The following NR3C2 variants were observed in gnomAD, a reference collection of about 807,000 sequenced individuals.
The protein encoded by NR3C2 is nuclear receptor subfamily 3 group C member 2.
NR3C2 carries 15 observed loss-of-function variants against 86.4 expected under a neutral mutation model. The ratio of observed to expected loss-of-function variants is 0.17; its 90% CI spans 0.12 to 0.27. NR3C2 has a LOEUF of 0.27. Among genes scored for constraint, NR3C2 ranks in the 10% least tolerant of loss-of-function variants. The probability of loss-of-function intolerance (pLI) is 1.00; values close to 1 mark genes in which losing one functional copy is unlikely to be tolerated. For missense variants in NR3C2, 960 were observed against 1,195.6 expected, an observed-to-expected ratio of 0.80 and a Z score of 2.91; for synonymous variants, 458 against 450.5, an observed-to-expected ratio of 1.02 and a Z score of -0.21.
At chr4:148,333,414 T>G (rs1355591918) in intron 2 of NR3C2, among the ~76,000 whole-genome samples, 1 of 152,166 alleles carries the variant, frequency 6.6e-6, no homozygotes, top group East Asian at 1.9e-4. Context: ...CTGGGCACAT[T>G]GCTGACTACC....
chr4:148,192,335 T>C (rs1409833670), intron 4 of NR3C2, among the ~76,000 whole-genome samples: 1 of 152,160 alleles, frequency 6.6e-6, no homozygotes, highest in Non-Finnish European at 1.5e-5. Flanking sequence ...ATGTGAACTG[T>C]CTATGGGTCT....
intron 3 of NR3C2, among the ~76,000 whole-genome samples, chr4:148,238,500 C>T (rs1018071280): frequency 6.6e-5 from 10 of 152,046 alleles, no homozygotes; most frequent in Admixed American, 6.6e-5. Flanking sequence ...CATCAAAAGA[C>T]TATCATTAAA....
rs529185020 is a variant in NR3C2 at position 148,137,597 on chromosome 4, C to T, written c.2510+14872G>A. On this transcript the variant is annotated intron_variant, in intron 6 of 8. Transcript: ENST00000358102. ...TCTTGAATGAGGAAACAGATCCAGA[C>T]CTTGAAGTGAGGCTTCCCCAAAGCC... Among the ~76,000 whole-genome samples the T allele has an allele frequency of 2.0e-5, 3 of 152,268 alleles. No individual in the cohort carries two copies. The East Asian group carries it at 5.8e-4, about 29-fold the overall frequency.
intron 6 of NR3C2, among the ~76,000 whole-genome samples, chr4:148,144,649 C>A (rs1370072830): frequency 1.3e-5 from 2 of 152,198 alleles, no homozygotes; most frequent in African/African-American, 4.8e-5. Flanking sequence ...CTGTATATAA[C>A]TGAATGACCG....
intron 4 of NR3C2, among the ~76,000 whole-genome samples, chr4:148,178,373 A>C (rs1735480483): frequency 6.6e-6 from 1 of 151,820 alleles, no homozygotes; most frequent in Non-Finnish European, 1.5e-5. Flanking sequence ...GCATGAAGCT[A>C]ATATTTCGCT....
chr4:148,366,111 T>C (rs907303063), intron 2 of NR3C2, among the ~76,000 whole-genome samples: 3 of 152,194 alleles, frequency 2.0e-5, no homozygotes, highest in African/African-American at 7.2e-5. Context: ...TCTAGAAAGA[T>C]TTCAGGAAGT....
At chr4:148,129,231 A>G (rs1732893356) in intron 6 of NR3C2, among the ~76,000 whole-genome samples, 1 of 152,230 alleles carries the variant, frequency 6.6e-6, no homozygotes, top group East Asian at 1.9e-4. Context: ...CCATGGATGA[A>G]GCTTCATATT....
intron 6 of NR3C2, among the ~76,000 whole-genome samples, chr4:148,122,676 C>T (rs1405201756): frequency 1.3e-5 from 2 of 152,166 alleles, no homozygotes; most frequent in East Asian, 1.9e-4. Flanking sequence ...TGGCTGGAGC[C>T]GTGGCAGAGG....
chr4:148,272,067 A>G (rs1230676580), intron 2 of NR3C2, among the ~76,000 whole-genome samples: 2 of 152,208 alleles, frequency 1.3e-5, no homozygotes, highest in Admixed American at 6.5e-5. Context: ...CAACTAATGT[A>G]TACCAGGCAC....
At chr4:148,344,488 A>G (rs751003580) in intron 2 of NR3C2, among the ~76,000 whole-genome samples, 1 of 152,156 alleles carries the variant, frequency 6.6e-6, no homozygotes, top group African/African-American at 2.4e-5. Flanking sequence ...GGAGATACCA[A>G]TATGGTCCTC....
intron 3 of NR3C2, among the ~76,000 whole-genome samples, chr4:148,258,485 G>A (rs1028845022): frequency 2.6e-5 from 4 of 152,032 alleles, no homozygotes; most frequent in Admixed American, 2.6e-4. Context: ...CCCATTCTTG[G>A]TCTAGATGGT....
At chr4:148,357,446 G>C (rs1745605269) in intron 2 of NR3C2, among the ~76,000 whole-genome samples, 1 of 152,028 alleles carries the variant, frequency 6.6e-6, no homozygotes. Flanking sequence ...TATAAATTCA[G>C]TACACTATGA....
intron 8 of NR3C2, among the ~76,000 whole-genome samples, chr4:148,092,267 C>A (rs1186923858): frequency 6.6e-6 from 1 of 152,172 alleles, no homozygotes. Context: ...ATTTACTTAA[C>A]AATTAGCCTT....
chr4:148,143,320 T>C (rs1733699108), intron 6 of NR3C2, among the ~76,000 whole-genome samples: 1 of 152,224 alleles, frequency 6.6e-6, no homozygotes, highest in Non-Finnish European at 1.5e-5. Flanking sequence ...CATATTATTT[T>C]AAGTACCACT....
chr4:148,171,583 A>T (rs1035306113), intron 4 of NR3C2, among the ~76,000 whole-genome samples: 1 of 152,210 alleles, frequency 6.6e-6, no homozygotes, highest in Non-Finnish European at 1.5e-5. Context: ...TGTGCAGTTC[A>T]CAATAGGGTT....
At chr4:148,421,713 G>A (rs72658658) in intron 2 of NR3C2, among the ~76,000 whole-genome samples, 42 of 152,166 alleles carry the variant, frequency 2.8e-4, no homozygotes, top group Admixed American at 2.2e-3. Context: ...AATACTAGAT[G>A]TATTTATTCC....
chr4:148,429,550 A>G (rs1749703813), intron 2 of NR3C2, among the ~76,000 whole-genome samples: 1 of 152,206 alleles, frequency 6.6e-6, no homozygotes, highest in South Asian at 2.1e-4. Flanking sequence ...TACCACTAAC[A>G]ATCATAAATC....
intron 4 of NR3C2, among the ~76,000 whole-genome samples, chr4:148,190,703 A>G (rs1736155114): frequency 6.6e-6 from 1 of 152,168 alleles, no homozygotes; most frequent in African/African-American, 2.4e-5. Context: ...TGTTTTATAA[A>G]TCTGGGAGCT....
At chr4:148,263,534 T>C (rs1479064525) in intron 2 of NR3C2, among the ~76,000 whole-genome samples, 2 of 152,228 alleles carry the variant, frequency 1.3e-5, no homozygotes, top group Non-Finnish European at 2.9e-5. Flanking sequence ...AATCTGAAGA[T>C]AAAGGTTCTG....
Sources: gnomAD v4.1 joint callset for allele counts (sites outside exome capture counted in the v4.1 genomes callset) on GRCh38, gnomAD v4.1.1 for gene constraint, MANE v1.5 for transcripts, NCBI Gene and HGNC (gene_info 2026-07-23, HGNC 2026-07-21) for gene names.